OR7E24: variants seen among roughly 807,000 people sequenced by gnomAD.
OR7E24 encodes olfactory receptor 7E24.
For missense variants in OR7E24, 385 were observed against 410.3 expected (o/e 0.94, Z 0.53); for synonymous variants, 130 against 157.5 (o/e 0.83, Z 1.31).
the OR7E24 span, chr19:9,207,249 A>G: frequency 6.6e-6 from 1 of 152,234 alleles, no homozygotes; most frequent in Non-Finnish European, 1.5e-5. Flanking sequence ...CATGGTAACA[A>G]CATCCCTAAA....
chr19:9,252,028 T>C lies in OR7E24; in HGVS notation c.985T>C (p.Ser329Pro), dbSNP rs983621167. Residue 329 changes from serine (S) to proline (P), a missense_variant, in exon 1 of 1, where the codon TCT becomes CCT. Physicochemically the swap from Ser to Pro is moderately conservative, Grantham distance 74 (BLOSUM62 -1). Coordinates refer to ENST00000456448, the MANE Select transcript of OR7E24 (RefSeq NM_001079935.2). The part of the protein sequence containing the change: ...LCRLHGRIIK[S>P]HHLHPFCYMG ...CAGGCTGCATGGCAGAATCATCAAA[T>C]CTCATCATCTCCATCCTTTTTGTTA... 1.2e-6 allele frequency: 2 copies of C among 1,613,974 alleles called. No homozygotes were observed. Among genetic ancestry groups the C allele is most frequent in the Non-Finnish European group, 1.7e-6 (2 of 1,180,020 alleles).
the OR7E24 span, chr19:9,206,548 C>T: frequency 6.6e-6 from 1 of 152,118 alleles, no homozygotes; most frequent in Admixed American, 6.5e-5. Context: ...TATAAGAAGT[C>T]CTTGCTTAAA....
the OR7E24 span, among the ~76,000 whole-genome samples, chr19:9,230,046 A>AT: frequency 0.23 from 32,590 of 142,886 alleles, 4,142 homozygotes; most frequent in African/African-American, 0.34. Flanking sequence ...AAGTTCCTGT[A>AT]TTTTTTTTTT....
the OR7E24 span, among the ~76,000 whole-genome samples, chr19:9,233,765 G>T: frequency 6.6e-6 from 1 of 152,178 alleles, no homozygotes; most frequent in South Asian, 2.1e-4. Context: ...TGATATGGCC[G>T]TTGTATGCCA....
the OR7E24 span, among the ~76,000 whole-genome samples, chr19:9,220,573 A>T: frequency 4.6e-5 from 7 of 152,176 alleles, no homozygotes; most frequent in Admixed American, 2.6e-4. Flanking sequence ...ATCATATTCC[A>T]TTGTGTATAT....
At chr19:9,227,238 T>TC in the OR7E24 span, among the ~76,000 whole-genome samples, 3 of 72,842 alleles carry the variant, frequency 4.1e-5, no homozygotes, top group Non-Finnish European at 7.1e-5. Flanking sequence ...ATTCTTTCTC[T>TC]TTTTTTTTTT....
chr19:9,250,812 T>G (rs1049835112), upstream of OR7E24: 1 of 380,092 alleles, frequency 2.6e-6, no homozygotes, highest in African/African-American at 2.1e-5. Context: ...ATCATGGATT[T>G]CTAAAATCTC....
chr19:9,246,628 A>G (rs915034202), upstream of OR7E24, among the ~76,000 whole-genome samples: 2 of 152,124 alleles, frequency 1.3e-5, no homozygotes, highest in Non-Finnish European at 2.9e-5. Context: ...ATGACTGGAG[A>G]AACACAATGA....
chr19:9,244,524 C>G (rs1285621003), upstream of OR7E24, among the ~76,000 whole-genome samples: 2 of 152,206 alleles, frequency 1.3e-5, no homozygotes, highest in Non-Finnish European at 2.9e-5. Context: ...TGGGTTCTTA[C>G]CTTACACCAT....
At chr19:9,235,736 T>C in the OR7E24 span, 184 of 1,606,008 alleles carry the variant, frequency 1.1e-4, no homozygotes, top group Non-Finnish European at 1.5e-4. Context: ...ATTAACATTG[T>C]CTTGTATGTG....
chr19:9,215,257 C>A, the OR7E24 span, among the ~76,000 whole-genome samples: 73 of 146,170 alleles, frequency 5.0e-4, no homozygotes, highest in African/African-American at 1.7e-3. Context: ...GCAGGAGAAT[C>A]GCTTGAACCC....
At chr19:9,217,695 C>T in the OR7E24 span, among the ~76,000 whole-genome samples, 26 of 152,084 alleles carry the variant, frequency 1.7e-4, no homozygotes, top group African/African-American at 4.8e-4. Flanking sequence ...TGTGCCACTA[C>T]GCTCAGCTAA....
At chr19:9,221,371 G>T in the OR7E24 span, among the ~76,000 whole-genome samples, 6 of 57,148 alleles carry the variant, frequency 1.0e-4, no homozygotes, top group Non-Finnish European at 1.2e-4. Flanking sequence ...TTTTTTTTGA[G>T]ACGGAGTCTC....
the OR7E24 span, chr19:9,207,806 C>T: frequency 6.6e-6 from 1 of 152,122 alleles, no homozygotes; most frequent in African/African-American, 2.4e-5. Flanking sequence ...TTGTTACAGA[C>T]TTTCATGAAC....
chr19:9,248,812 G>C (rs1233063630), upstream of OR7E24, among the ~76,000 whole-genome samples: 2 of 152,188 alleles, frequency 1.3e-5, no homozygotes, highest in Non-Finnish European at 2.9e-5. Flanking sequence ...ATGCACCTGT[G>C]CTTAAGACCT....
At chr19:9,209,676 A>T in the OR7E24 span, 3 of 148,668 alleles carry the variant, frequency 2.0e-5, no homozygotes, top group African/African-American at 7.5e-5. Flanking sequence ...TTTTTTAAAG[A>T]CAGAGTCTCG....
At chr19:9,246,466 T>TGGTGTGTGTGTG (rs1555720675), upstream of OR7E24, among the ~76,000 whole-genome samples, 75 of 131,064 alleles carry the variant, frequency 5.7e-4, 1 homozygote, top group African/African-American at 1.7e-3. Context: ...CTTAAAGGTA[T>TGGTGTGTGTGTG]TGTGTGTGTG....
At chr19:9,236,750 T>G in the OR7E24 span, among the ~76,000 whole-genome samples, 1 of 152,114 alleles carries the variant, frequency 6.6e-6, no homozygotes, top group Non-Finnish European at 1.5e-5. Flanking sequence ...TATAAAACTC[T>G]TCATGTCAAA....
chr19:9,220,649 C>G, the OR7E24 span, among the ~76,000 whole-genome samples: 1 of 152,208 alleles, frequency 6.6e-6, no homozygotes, highest in African/African-American at 2.4e-5. Context: ...GTCTTGGCTA[C>G]TGTGAATAAT....
Sources: allele counts gnomAD v4.1 joint callset (sites outside exome capture counted in the v4.1 genomes callset), GRCh38; gene constraint gnomAD v4.1.1; transcripts MANE v1.5; gene names NCBI Gene and HGNC (gene_info 2026-07-23, HGNC 2026-07-21).